Variants in LDLRAD4 observed in about 807,000 individuals in gnomAD.
LDLRAD4 encodes low-density lipoprotein receptor class A domain-containing protein 4.
Under a neutral mutation model 17.0 loss-of-function variants are expected in LDLRAD4, and 5 were observed. That is an observed-to-expected ratio of 0.29 (90% CI 0.15 to 0.62). The LOEUF (loss-of-function observed/expected upper bound fraction) is 0.62. Ranked by LOEUF, LDLRAD4 falls within the 20% of genes least tolerant of loss-of-function variation. LDLRAD4 has a pLI of 0.84. For missense variants in LDLRAD4, 340 were observed against 424.7 expected (o/e 0.80, Z 1.75); for synonymous variants, 168 against 171.8 (o/e 0.98, Z 0.17).
chr18:13,222,554 C>G (rs1255683027), intron 1 of LDLRAD4, among the ~76,000 whole-genome samples: 17 of 152,220 alleles, frequency 1.1e-4, no homozygotes. Flanking sequence ...GCACTGCAAA[C>G]GCACTCTGCA....
At chr18:13,640,921 G>T (rs915290031) in intron 4 of LDLRAD4, among the ~76,000 whole-genome samples, 1 of 152,258 alleles carries the variant, frequency 6.6e-6, no homozygotes, top group Non-Finnish European at 1.5e-5. Context: ...TGTCACGCAT[G>T]TAGGTCTGGG....
chr18:13,499,758 G>A (rs563492950), intron 3 of LDLRAD4, among the ~76,000 whole-genome samples: 42 of 151,926 alleles, frequency 2.8e-4, no homozygotes, highest in African/African-American at 1.0e-3. Flanking sequence ...CACACGTCCA[G>A]CCGTGGACAC....
At chr18:13,322,102 G>A (rs1568005351) in intron 1 of LDLRAD4, among the ~76,000 whole-genome samples, 1 of 151,312 alleles carries the variant, frequency 6.6e-6, no homozygotes, top group Non-Finnish European at 1.5e-5. Context: ...ATCTAGTGGT[G>A]ATCTCATCAG....
intron 4 of LDLRAD4, among the ~76,000 whole-genome samples, chr18:13,634,136 G>A (rs563805557): frequency 5.8e-4 from 89 of 152,352 alleles, no homozygotes; most frequent in African/African-American, 2.0e-3. Context: ...AGCTTTTCCT[G>A]TAAGACCGGG....
chr18:13,581,882 T>C (rs1385284810), intron 3 of LDLRAD4, among the ~76,000 whole-genome samples: 1 of 152,170 alleles, frequency 6.6e-6, no homozygotes. Context: ...CACACACGTA[T>C]GTGTGTGCAT....
At chr18:13,474,869 G>A (rs545274562) in intron 3 of LDLRAD4, among the ~76,000 whole-genome samples, 24 of 152,308 alleles carry the variant, frequency 1.6e-4, no homozygotes, top group Non-Finnish European at 2.9e-4. Context: ...TGCGGCCCAG[G>A]GGCTACAGGT....
At chr18:13,603,566 A>G (rs2095188429) in intron 3 of LDLRAD4, among the ~76,000 whole-genome samples, 1 of 152,248 alleles carries the variant, frequency 6.6e-6, no homozygotes, top group African/African-American at 2.4e-5. Flanking sequence ...GATAATAACT[A>G]GAATTCATCT....
At chr18:13,319,234 G>A (rs1800804551) in intron 1 of LDLRAD4, among the ~76,000 whole-genome samples, 1 of 152,194 alleles carries the variant, frequency 6.6e-6, no homozygotes, top group Non-Finnish European at 1.5e-5. Context: ...ATCGATTGTC[G>A]TAATGAACAA....
At position 13,381,076 on chromosome 18, in the gene LDLRAD4, G is replaced by GTTT. The variant is rs759672017; in HGVS notation, c.-382-6251_-382-6249dup. Among the ~76,000 whole-genome samples the GTTT allele has an allele frequency of 7.3e-3, 933 of 128,422 alleles. 26 individuals carry two copies. The highest frequency in any genetic ancestry group is 0.013 in the Middle Eastern group (3 of 230). 84.2% of individuals were successfully genotyped at this position (128,422 alleles called of 152,430 possible). A position where few individuals can be genotyped will look rare whatever the true frequency, so the allele number is the denominator to read the frequency against. On this transcript the variant is annotated intron_variant, in intron 1 of 5. Coordinates refer to ENST00000359446, the Ensembl canonical transcript of LDLRAD4. ...TGTCCCTTTCTTTTGTTTCTCTTTA[G>GTTT]TTTTTTTTTTTTTTTTGAAGAGACA...
intron 1 of LDLRAD4, among the ~76,000 whole-genome samples, chr18:13,256,710 G>A (rs2043522391): frequency 6.6e-6 from 1 of 152,192 alleles, no homozygotes; most frequent in African/African-American, 2.4e-5. Context: ...AGAGCCCTTT[G>A]AAAACGAGAG....
At chr18:13,476,332 G>T (rs576874837) in intron 3 of LDLRAD4, among the ~76,000 whole-genome samples, 6 of 152,196 alleles carry the variant, frequency 3.9e-5, no homozygotes, top group Non-Finnish European at 8.8e-5. Flanking sequence ...GAGACTTCAT[G>T]TTGAAAACCC....
At chr18:13,615,965 A>G (rs1440933728) in intron 3 of LDLRAD4, 1 of 152,164 alleles carries the variant, frequency 6.6e-6, no homozygotes, top group African/African-American at 2.4e-5. Context: ...GCCCCAAAGC[A>G]TCCTATTAAT....
chr18:13,314,062 A>C (rs970180050), intron 1 of LDLRAD4, among the ~76,000 whole-genome samples: 6 of 152,300 alleles, frequency 3.9e-5, no homozygotes, highest in Admixed American at 3.9e-4. Context: ...TAGTGCAGCC[A>C]GTGTTTAAAT....
At chr18:13,324,141 A>ATT (rs59296910) in intron 1 of LDLRAD4, among the ~76,000 whole-genome samples, 1 of 145,394 alleles carries the variant, frequency 6.9e-6, no homozygotes, top group Non-Finnish European at 1.5e-5. Flanking sequence ...TCAAGTGTCT[A>ATT]TTTTTTTTTT....
chr18:13,472,412 T>A (rs12958762), intron 3 of LDLRAD4: 1 of 152,140 alleles, frequency 6.6e-6, no homozygotes, highest in Non-Finnish European at 1.5e-5. Flanking sequence ...GTTCATGAAA[T>A]GCTCCAGCAT....
intron 1 of LDLRAD4, among the ~76,000 whole-genome samples, chr18:13,292,973 A>G (rs2046052822): frequency 6.6e-6 from 1 of 152,224 alleles, no homozygotes; most frequent in South Asian, 2.1e-4. Context: ...CTTGGAGAGA[A>G]TGCCCTGGAG....
intron 2 of LDLRAD4, among the ~76,000 whole-genome samples, chr18:13,418,971 T>C (rs547628821): frequency 9.8e-5 from 15 of 152,332 alleles, no homozygotes; most frequent in African/African-American, 3.6e-4. Context: ...GGCTTGATTC[T>C]AGGACACAGA....
intron 1 of LDLRAD4, among the ~76,000 whole-genome samples, chr18:13,228,855 T>C (rs1357022488): frequency 1.3e-5 from 2 of 152,236 alleles, no homozygotes; most frequent in Non-Finnish European, 2.9e-5. Flanking sequence ...GTATGTACAG[T>C]TACAACTAGC....
chr18:13,313,911 T>C (rs559533624), intron 1 of LDLRAD4, among the ~76,000 whole-genome samples: 101 of 152,276 alleles, frequency 6.6e-4, no homozygotes, highest in African/African-American at 2.3e-3. Flanking sequence ...TTTATTTTTA[T>C]TTTTTGCAGT....
Sources: gnomAD v4.1 joint callset for allele counts (sites outside exome capture counted in the v4.1 genomes callset) on GRCh38, gnomAD v4.1.1 for gene constraint, MANE v1.5 for transcripts, NCBI Gene and HGNC (gene_info 2026-07-23, HGNC 2026-07-21) for gene names.